The following PPP1R21 variants were observed in gnomAD, a reference collection of about 807,000 sequenced individuals.
PPP1R21 encodes KLRAQ motif containing 1.
PPP1R21 carries 85 observed loss-of-function variants against 112.8 expected under a neutral mutation model. The ratio of observed to expected loss-of-function variants is 0.75; its 90% CI spans 0.63 to 0.90. PPP1R21 has a LOEUF of 0.90. PPP1R21 is among the 40% of genes least tolerant of loss of function. The pLI is 0.00. For synonymous variants in PPP1R21, 381 were observed against 322.3 expected (o/e 1.18, Z -1.95); for missense variants, 1,199 against 901.5 (o/e 1.33, Z -4.23).
At chr2:48,475,311 C>T (rs1219239598) in intron 12 of PPP1R21, among the ~76,000 whole-genome samples, 1 of 151,956 alleles carries the variant, frequency 6.6e-6, no homozygotes, top group Non-Finnish European at 1.5e-5. Context: ...TATGATCACA[C>T]CACTGCACTC....
At chr2:48,490,035 ACT>A (rs1283859670) in intron 14 of PPP1R21, among the ~76,000 whole-genome samples, 11 of 151,882 alleles carry the variant, frequency 7.2e-5, no homozygotes, top group Admixed American at 2.0e-4. Context: ...ACAGAGCAAG[ACT>A]CTGTTTCAAA....
intron 19 of PPP1R21, among the ~76,000 whole-genome samples, chr2:48,507,810 G>C (rs1670455053): frequency 1.8e-5 from 2 of 110,772 alleles, no homozygotes; most frequent in Admixed American, 2.8e-4. Context: ...ATGTTGCTCA[G>C]GCTACAGTGC....
chr2:48,489,373 C>T (rs571363505), intron 14 of PPP1R21, among the ~76,000 whole-genome samples: 49 of 150,644 alleles, frequency 3.3e-4, no homozygotes, highest in Non-Finnish European at 6.5e-4. Flanking sequence ...TGATGGTGTG[C>T]GTCTGTGGTC....
chr2:48,494,166 G>C (rs1234950182), intron 15 of PPP1R21, among the ~76,000 whole-genome samples: 2 of 144,132 alleles, frequency 1.4e-5, no homozygotes, highest in Non-Finnish European at 3.0e-5. Context: ...TGGAGTCTGG[G>C]AGGTCAAGGC....
intron 1 of PPP1R21, among the ~76,000 whole-genome samples, chr2:48,442,131 G>A (rs147825564): frequency 6.6e-6 from 1 of 152,328 alleles, no homozygotes; most frequent in East Asian, 1.9e-4. Flanking sequence ...CAATGTTAGT[G>A]ATGGCAAGTG....
chr2:48,466,137 T>C (rs1057505797), intron 9 of PPP1R21, among the ~76,000 whole-genome samples: 1 of 152,058 alleles, frequency 6.6e-6, no homozygotes, highest in Non-Finnish European at 1.5e-5. Flanking sequence ...GTCCCTCCCA[T>C]AACGTTTGGG....
intron 12 of PPP1R21, among the ~76,000 whole-genome samples, chr2:48,476,131 G>T (rs1358819989): frequency 6.6e-6 from 1 of 151,932 alleles, no homozygotes. Flanking sequence ...CCCCTCCCTA[G>T]CCCGTAAACC....
At position 48,498,664 on chromosome 2, in the gene PPP1R21, G is replaced by A; in HGVS notation, c.1864G>A (p.Val622Met). 1 of 1,614,242 alleles carries A rather than the reference G, an allele frequency of 6.2e-7. No individual in the cohort carries two copies. The highest frequency in any genetic ancestry group is 8.5e-7 in the Non-Finnish European group (1 of 1,180,034). ...LVGLAQENAA[V>M]SNTAGQDEAT... is the part of the protein sequence containing the mutation. ...TGGGCTGGCCCAGGAAAATGCTGCTGTGTCAAATACTGCTGGCCAGGATGA... is the reference window on the plus strand; with the variant it reads ...TGGGCTGGCCCAGGAAAATGCTGCTATGTCAAATACTGCTGGCCAGGATGA... The change falls in exon 17 of 22, where the codon GTG (valine) becomes ATG (methionine). Residue 622 changes from valine to methionine, a missense_variant. Physicochemically the swap from Val to Met is conservative, Grantham distance 21. Coordinates refer to ENST00000294952, the MANE Select transcript of PPP1R21 (RefSeq NM_001135629.3).
At chr2:48,481,441 G>T (rs889767991) in intron 13 of PPP1R21, among the ~76,000 whole-genome samples, 3 of 152,192 alleles carry the variant, frequency 2.0e-5, no homozygotes, top group Non-Finnish European at 4.4e-5. Context: ...TCCAAGAGAT[G>T]GTGCTTTTTT....
In PPP1R21 at chr2:48,491,176, T is replaced by C. The variant is rs1453384111; in HGVS notation, c.1599+6T>C. 1 of 1,607,294 alleles carries C rather than the reference T, an allele frequency of 6.2e-7. No individual in the cohort carries two copies. Among genetic ancestry groups the C allele is most frequent in the Non-Finnish European group, 8.5e-7 (1 of 1,178,026 alleles). On this transcript the variant is annotated splice_donor_region_variant and intron_variant, in intron 15 of 21. Coordinates refer to ENST00000294952, the MANE Select transcript of PPP1R21 (RefSeq NM_001135629.3). The stretch of plus-strand genomic sequence containing the variant: ...ATATGAAGTCTTTGAGAAAGGTTTG[T>C]TAGCTGCTGTTAATATTTAAATCAG...
chr2:48,445,540 C>G (rs1444424026), intron 1 of PPP1R21, among the ~76,000 whole-genome samples: 1 of 152,086 alleles, frequency 6.6e-6, no homozygotes, highest in Non-Finnish European at 1.5e-5. Context: ...GAGATTCTGC[C>G]TCCAGGTAAA....
rs201650020 is a variant in PPP1R21, at chr2:48,511,463, A to T, written c.2308A>T (p.Ser770Cys). ...AGAGATTGACACACTAAAGATGTCC[A>T]GTAAGGTATGTGAGGTGAGGTGAGG... The part of the protein sequence containing the change: ...REEIDTLKMS[S>C]KGNSKKNKSR The change falls in exon 21 of 22, where the codon AGT becomes TGT. Residue 770 changes from serine (S) to cysteine (C), a missense_variant. By Grantham distance (112) the Ser-to-Cys change is moderately radical. Coordinates refer to ENST00000294952, the MANE Select transcript of PPP1R21 (RefSeq NM_001135629.3). 47 of 1,613,420 alleles carry T rather than the reference A, an allele frequency of 2.9e-5. No individual in the cohort carries two copies. Among genetic ancestry groups the T allele is most frequent in the Non-Finnish European group, 3.9e-5 (46 of 1,179,844 alleles).
intron 1 of PPP1R21, among the ~76,000 whole-genome samples, chr2:48,446,335 A>G (rs1009141660): frequency 1.3e-5 from 2 of 152,132 alleles, no homozygotes; most frequent in African/African-American, 2.4e-5. Flanking sequence ...TCTGTGTCCT[A>G]GAAGAAACAG....
Position 48,505,568 on chromosome 2 carries a change from G to C in PPP1R21, c.1940G>C (p.Gly647Ala). 2 of 1,549,870 alleles carry C rather than the reference G, an allele frequency of 1.3e-6. No homozygotes were observed. Among genetic ancestry groups the C allele is most frequent in the Non-Finnish European group, 1.7e-6 (2 of 1,144,888 alleles). Reference sequence around the variant, plus strand: ...ATTTTTCCCCTTATGTTCTAGATTGGGACTTTAACCAGGACATCTGACAGT... The same window carrying C: ...ATTTTTCCCCTTATGTTCTAGATTGCGACTTTAACCAGGACATCTGACAGT... ...LEPIQSTSLI[G>A]TLTRTSDSEV... The change falls in exon 18 of 22, where the codon GGG becomes GCG. Residue 647 changes from glycine (G) to alanine (A), a missense_variant. Gly to Ala is a moderately conservative substitution (Grantham distance 60). Coordinates refer to ENST00000294952, the MANE Select transcript of PPP1R21 (RefSeq NM_001135629.3).
In PPP1R21 at chr2:48,514,757, T is replaced by C. The variant is rs377445475; in HGVS notation, c.*13T>C. ...CAAGAGTCGATAGTTTTGAAATAGC[T>C]GGTTGGCGACTGTTCTTTCCAGACC... On this transcript the variant is annotated 3_prime_UTR_variant, in exon 22 of 22. Transcript: ENST00000294952. 7.2e-5 allele frequency: 116 copies of C among 1,612,832 alleles called. No individual in the cohort carries two copies. Among genetic ancestry groups the C allele is most frequent in the Non-Finnish European group, 9.1e-5 (107 of 1,179,664 alleles).
intron 3 of PPP1R21, among the ~76,000 whole-genome samples, chr2:48,455,447 C>T (rs1051949242): frequency 1.3e-5 from 2 of 151,906 alleles, no homozygotes; most frequent in Admixed American, 6.6e-5. Context: ...CTGGCCCCGG[C>T]CCTGAATTTT....
chr2:48,443,721 C>G (rs911802943), intron 1 of PPP1R21, among the ~76,000 whole-genome samples: 2 of 152,224 alleles, frequency 1.3e-5, no homozygotes, highest in African/African-American at 4.8e-5. Flanking sequence ...CTTGTCAATT[C>G]TAGTAGCAGG....
chr2:48,461,062 G>A, intron 6 of PPP1R21, 76 bp from the exon 7 acceptor site: 1 of 1,510,788 alleles, frequency 6.6e-7, no homozygotes, highest in South Asian at 1.3e-5. Context: ...ACTACCAGCT[G>A]TTGAGGTAAC....
At chr2:48,502,393 A>G (rs1444403602) in intron 17 of PPP1R21, among the ~76,000 whole-genome samples, 2 of 152,170 alleles carry the variant, frequency 1.3e-5, no homozygotes, top group African/African-American at 2.4e-5. Context: ...ACAGTGCACA[A>G]TAGAAATAAA....
Sources: gnomAD v4.1 joint callset for allele counts (sites outside exome capture counted in the v4.1 genomes callset) on GRCh38, gnomAD v4.1.1 for gene constraint, MANE v1.5 for transcripts, NCBI Gene and HGNC (gene_info 2026-07-23, HGNC 2026-07-21) for gene names.